LRP1B: variants seen among roughly 807,000 people sequenced by gnomAD.
LRP1B encodes LDL receptor related protein 1B, also known as low-density lipoprotein receptor-related protein 1B.
In LRP1B, 217 loss-of-function variants were observed where a neutral mutation model predicts 556.6. The ratio of observed to expected loss-of-function variants is 0.39; its 90% CI spans 0.35 to 0.44. The LOEUF is 0.44. Among genes scored for constraint, LRP1B ranks in the 20% least tolerant of loss-of-function variants. The probability of loss-of-function intolerance (pLI) is 1.00; values close to 1 mark genes in which losing one functional copy is unlikely to be tolerated. For missense variants in LRP1B, 5,053 were observed against 5,620.8 expected (o/e 0.90, Z 3.23); for synonymous variants, 2,047 against 1,865.8 (o/e 1.10, Z -2.50).
chr2:141,078,099 G>A lies in LRP1B; in HGVS notation c.1014-15826C>T, dbSNP rs962794566. On this transcript the variant is annotated intron_variant, in intron 7 of 90. Coordinates refer to ENST00000389484, the MANE Select transcript of LRP1B (RefSeq NM_018557.3). Reference sequence around the variant, plus strand: ...ACTCATTTTATAAATATTCATGGTTGAGGCAAATGGTAACTGGAACACCTA... The same window carrying A: ...ACTCATTTTATAAATATTCATGGTTAAGGCAAATGGTAACTGGAACACCTA... 7.9e-5 allele frequency among the ~76,000 whole-genome samples: 12 copies of A among 151,814 alleles called. No individual in the cohort carries two copies. The East Asian group carries it at 2.1e-3, about 27-fold the overall frequency.
chr2:141,533,063 G>T (rs1684945598), intron 2 of LRP1B, among the ~76,000 whole-genome samples: 1 of 152,106 alleles, frequency 6.6e-6, no homozygotes, highest in African/African-American at 2.4e-5. Flanking sequence ...TCACCTCAAT[G>T]CCTGAACCAA....
chr2:142,107,546 T>C (rs1240484754), intron 1 of LRP1B, among the ~76,000 whole-genome samples: 1 of 152,176 alleles, frequency 6.6e-6, no homozygotes, highest in Admixed American at 6.6e-5. Context: ...CTCAACGTTT[T>C]TGTTTCAACA....
intron 1 of LRP1B, among the ~76,000 whole-genome samples, chr2:141,849,910 A>G (rs1325822913): frequency 1.3e-5 from 2 of 151,708 alleles, no homozygotes; most frequent in African/African-American, 4.8e-5. Context: ...GATGGCCAAG[A>G]AACTACCTGT....
chr2:140,496,075 AT>A (rs1688914353), intron 55 of LRP1B, among the ~76,000 whole-genome samples: 1 of 152,184 alleles, frequency 6.6e-6, no homozygotes, highest in Non-Finnish European at 1.5e-5. Flanking sequence ...TTTCTATTGC[AT>A]TACATTGTCT....
intron 2 of LRP1B, among the ~76,000 whole-genome samples, chr2:141,651,115 C>T (rs1324085175): frequency 2.0e-5 from 3 of 152,144 alleles, no homozygotes; most frequent in Non-Finnish European, 4.4e-5. Flanking sequence ...AACAATTTCT[C>T]TTGTCAAAAC....
At chr2:140,869,649 A>G (rs1480316989) in intron 25 of LRP1B, among the ~76,000 whole-genome samples, 1 of 152,090 alleles carries the variant, frequency 6.6e-6, no homozygotes, top group African/African-American at 2.4e-5. Context: ...TTGATTCAAA[A>G]TATAATTTGA....
At chr2:141,688,309 C>A (rs936666657) in intron 2 of LRP1B, among the ~76,000 whole-genome samples, 2 of 151,758 alleles carry the variant, frequency 1.3e-5, no homozygotes, top group Admixed American at 1.3e-4. Flanking sequence ...CTATTGTGCA[C>A]AAAATATATG....
intron 1 of LRP1B, among the ~76,000 whole-genome samples, chr2:142,063,610 A>T (rs1704998488): frequency 6.6e-6 from 1 of 151,688 alleles, no homozygotes; most frequent in Non-Finnish European, 1.5e-5. Flanking sequence ...AAATAAAATA[A>T]AGCTTGCAAC....
intron 1 of LRP1B, among the ~76,000 whole-genome samples, chr2:141,920,773 G>A (rs1700164364): frequency 6.6e-6 from 1 of 151,938 alleles, no homozygotes; most frequent in South Asian, 2.1e-4. Flanking sequence ...AGGGAACTTT[G>A]TCATTAATAT....
chr2:140,300,002 A>G, intron 83 of LRP1B, among the ~76,000 whole-genome samples: 1 of 152,228 alleles, frequency 6.6e-6, no homozygotes, highest in African/African-American at 2.4e-5. Context: ...CAAGTGTGAA[A>G]GAAACAAACG....
In LRP1B at chr2:141,729,671, T is replaced by A. The variant is rs74523697; in HGVS notation, c.205+80608A>T. Among the ~76,000 whole-genome samples, 582 of 152,300 alleles carry A rather than the reference T, an allele frequency of 3.8e-3. 6 individuals carry two copies. Among genetic ancestry groups the A allele is most frequent in the African/African-American group, 0.013 (548 of 41,582 alleles). ...CCTGTGCCAACCAATAAAATAATGATCTAAATTGCTTTCATCTTTTATCTC... is the reference window on the plus strand; with the variant it reads ...CCTGTGCCAACCAATAAAATAATGAACTAAATTGCTTTCATCTTTTATCTC... On this transcript the variant is annotated intron_variant, in intron 2 of 90. Transcript: ENST00000389484.
intron 2 of LRP1B, among the ~76,000 whole-genome samples, chr2:141,792,815 A>C (rs1048075038): frequency 1.3e-5 from 2 of 152,032 alleles, no homozygotes; most frequent in Non-Finnish European, 2.9e-5. Flanking sequence ...TGGTTATGTC[A>C]TAATATCAAT....
intron 1 of LRP1B, among the ~76,000 whole-genome samples, chr2:141,883,214 A>AT (rs1339165780): frequency 6.6e-6 from 1 of 152,116 alleles, no homozygotes; most frequent in African/African-American, 2.4e-5. Flanking sequence ...TTTTCTTTAG[A>AT]TTTTTTAGAA....
chr2:140,721,398 G>A (rs1687393904), intron 35 of LRP1B, among the ~76,000 whole-genome samples: 1 of 152,006 alleles, frequency 6.6e-6, no homozygotes, highest in Admixed American at 6.6e-5. Context: ...TGGGATCATG[G>A]ATCCTGCCTG....
At position 140,741,781 on chromosome 2, in the gene LRP1B, C is replaced by A. The variant is rs560424713; in HGVS notation, c.5759-24965G>T. Among the ~76,000 whole-genome samples, 4 of 152,156 alleles carry A rather than the reference C, an allele frequency of 2.6e-5. No individual in the cohort carries two copies. In the East Asian group the frequency reaches 5.8e-4, roughly 22 times the overall value. ...TTAATTCATTTAACATAATATTAGG[C>A]CTCTGTGTCTATTGTTTCCTTCTTT... On this transcript the variant is annotated intron_variant, in intron 35 of 90. Transcript: ENST00000389484.
intron 2 of LRP1B, among the ~76,000 whole-genome samples, chr2:141,788,083 T>C (rs1252221186): frequency 6.6e-6 from 1 of 152,022 alleles, no homozygotes; most frequent in Non-Finnish European, 1.5e-5. Context: ...AGAAGTAAGC[T>C]TTCCTTAGAC....
intron 1 of LRP1B, among the ~76,000 whole-genome samples, chr2:141,818,150 T>C (rs1449608656): frequency 6.6e-6 from 1 of 152,210 alleles, no homozygotes; most frequent in African/African-American, 2.4e-5. Flanking sequence ...AAGAGAAATA[T>C]GGTTATATTT....
chr2:141,639,060 C>G (rs1345301313), intron 2 of LRP1B, among the ~76,000 whole-genome samples: 1 of 119,376 alleles, frequency 8.4e-6, no homozygotes, highest in African/African-American at 3.0e-5. Flanking sequence ...TGGGCCAATA[C>G]AGTATCCATA....
chr2:141,815,527 A>G (rs538871032), intron 1 of LRP1B, among the ~76,000 whole-genome samples: 2 of 152,284 alleles, frequency 1.3e-5, no homozygotes, highest in African/African-American at 2.4e-5. Context: ...AAATGCACCA[A>G]TCAGCACTCT....
Sources: allele counts gnomAD v4.1 joint callset (sites outside exome capture counted in the v4.1 genomes callset), GRCh38; gene constraint gnomAD v4.1.1; transcripts MANE v1.5; gene names NCBI Gene and HGNC (gene_info 2026-07-23, HGNC 2026-07-21).